The following SPAG6 variants were observed in gnomAD, a reference collection of about 807,000 sequenced individuals.
SPAG6 encodes the protein sperm-associated antigen 6.
SPAG6 carries 49 observed loss-of-function variants against 58.5 expected under a neutral mutation model. The ratio of observed to expected loss-of-function variants is 0.84; its 90% CI spans 0.67 to 1.06. SPAG6 has a LOEUF of 1.06. Among genes scored for constraint, SPAG6 ranks in the 50% least tolerant of loss-of-function variants. The probability of loss-of-function intolerance (pLI) is 0.00; values close to 1 mark genes in which losing one functional copy is unlikely to be tolerated. For missense variants in SPAG6, 560 were observed against 611.3 expected, an observed-to-expected ratio of 0.92 and a Z score of 0.89; for synonymous variants, 233 against 225.6, an observed-to-expected ratio of 1.03 and a Z score of -0.29.
At chr10:22,356,619 A>G (rs535050854) in intron 2 of SPAG6, among the ~76,000 whole-genome samples, 2 of 152,354 alleles carry the variant, frequency 1.3e-5, no homozygotes, top group East Asian at 3.9e-4. Context: ...AGGCTTCTTC[A>G]ACAGTGGGCA....
intron 8 of SPAG6, among the ~76,000 whole-genome samples, chr10:22,392,448 T>C (rs1474482069): frequency 6.6e-6 from 1 of 152,096 alleles, no homozygotes; most frequent in Non-Finnish European, 1.5e-5. Context: ...AAATCATGCA[T>C]TTTTAAAAGG....
At chr10:22,415,235 TTAA>T (rs1834840016) in intron 10 of SPAG6, among the ~76,000 whole-genome samples, 1 of 150,576 alleles carries the variant, frequency 6.6e-6, no homozygotes, top group Non-Finnish European at 1.5e-5. Context: ...AAGTAAAATA[TTAA>T]TATGTTAATA....
intron 3 of SPAG6, 95 bp from the exon 4 acceptor site, chr10:22,368,400 T>C (rs1206841132): frequency 1.1e-6 from 1 of 886,368 alleles, no homozygotes; most frequent in Non-Finnish European, 1.7e-6. Flanking sequence ...GCTTTATTTA[T>C]AGTAATGTTA....
intron 4 of SPAG6, among the ~76,000 whole-genome samples, chr10:22,371,199 A>T (rs1462740799): frequency 6.6e-6 from 1 of 152,242 alleles, no homozygotes; most frequent in Non-Finnish European, 1.5e-5. Flanking sequence ...AGTAAACCAT[A>T]AAAGTTATCA....
chr10:22,386,702 G>T, intron 4 of SPAG6, 52 bp from the exon 5 acceptor site: 1 of 1,442,622 alleles, frequency 6.9e-7, no homozygotes, highest in Admixed American at 1.7e-5. Flanking sequence ...AAAATGGCTT[G>T]CACAAGGGTC....
Position 22,402,427 on chromosome 10 carries a change from T to A in SPAG6, c.1314+1150T>A, listed in dbSNP as rs1588557867. On this transcript the variant is annotated intron_variant, in intron 9 of 10. Transcript: ENST00000376624. The stretch of plus-strand genomic sequence containing the variant: ...TTGTTATAACTTTTAAAGTAGTCCC[T>A]ACAGATAAGTTTGCCTAGTTTTAGG... Among the ~76,000 whole-genome samples, 5 of 152,334 alleles carry A rather than the reference T, an allele frequency of 3.3e-5. No individual in the cohort carries two copies. In the Middle Eastern group the frequency reaches 0.017, roughly 518 times the overall value.
chr10:22,392,378 A>G (rs979552763), intron 8 of SPAG6, among the ~76,000 whole-genome samples: 2 of 152,114 alleles, frequency 1.3e-5, no homozygotes, highest in Non-Finnish European at 2.9e-5. Flanking sequence ...TTTTAATTAT[A>G]TGTCTTATAT....
intron 8 of SPAG6, among the ~76,000 whole-genome samples, chr10:22,393,624 A>T (rs1455809206): frequency 1.3e-5 from 2 of 152,200 alleles, no homozygotes; most frequent in African/African-American, 4.8e-5. Context: ...TACTTTCAGG[A>T]AATACACTGA....
At chr10:22,401,411 T>C in intron 9 of SPAG6, 134 bp downstream of exon 9, 1 of 626,322 alleles carries the variant, frequency 1.6e-6, no homozygotes, top group Non-Finnish European at 2.8e-6. Context: ...CCAATCTGTA[T>C]GGACAGAGAA....
intron 3 of SPAG6, among the ~76,000 whole-genome samples, chr10:22,368,189 G>A (rs547173209): frequency 2.0e-5 from 3 of 152,126 alleles, no homozygotes; most frequent in Admixed American, 6.5e-5. Context: ...ATAAAATCTC[G>A]TTATTTTATG....
chr10:22,372,700 G>C (rs796597576), intron 4 of SPAG6, among the ~76,000 whole-genome samples: 13 of 151,758 alleles, frequency 8.6e-5, no homozygotes, highest in African/African-American at 1.5e-4. Context: ...TGTTTTGTGT[G>C]AATAGTCTTC....
Position 22,368,663 on chromosome 10 carries a change from G to T in SPAG6, c.457G>T (p.Ala153Ser), listed in dbSNP as rs138933753. The change falls in exon 4 of 11, where the codon GCA (alanine) becomes TCA (serine). Residue 153 changes from alanine to serine, a missense_variant. Coordinates refer to ENST00000376624, the MANE Select transcript of SPAG6 (RefSeq NM_012443.4). ...EAAAWALRYI[A>S]RHNAELSQAV... ...TGCAGCCTGGGCACTTAGATATATT[G>T]CAAGACATAATGCAGGTAATTTAAA... 6.2e-7 allele frequency: 1 copy of T among 1,612,516 alleles called. No homozygotes were observed. The highest frequency in any genetic ancestry group is 8.5e-7 in the Non-Finnish European group (1 of 1,179,136).
At chr10:22,369,385 C>T (rs1373640110) in intron 4 of SPAG6, among the ~76,000 whole-genome samples, 1 of 152,112 alleles carries the variant, frequency 6.6e-6, no homozygotes, top group African/African-American at 2.4e-5. Context: ...GAACAAATAA[C>T]ATAAGAAGAA....
At chr10:22,371,384 G>T (rs1833688444) in intron 4 of SPAG6, among the ~76,000 whole-genome samples, 1 of 152,030 alleles carries the variant, frequency 6.6e-6, no homozygotes, top group African/African-American at 2.4e-5. Context: ...TTCCTAAATA[G>T]CTGGGATTAC....
At chr10:22,353,162 T>G (rs1267762802) in intron 2 of SPAG6, among the ~76,000 whole-genome samples, 1 of 152,260 alleles carries the variant, frequency 6.6e-6, no homozygotes, top group Non-Finnish European at 1.5e-5. Context: ...TCAAACTGAT[T>G]GCTTTCCATA....
At chr10:22,394,172 T>G (rs1834242229) in intron 8 of SPAG6, among the ~76,000 whole-genome samples, 1 of 152,218 alleles carries the variant, frequency 6.6e-6, no homozygotes, top group African/African-American at 2.4e-5. Context: ...TGTAAATACT[T>G]TCTCACATTC....
intron 3 of SPAG6, among the ~76,000 whole-genome samples, chr10:22,365,260 A>C (rs751480601): frequency 3.9e-5 from 6 of 152,186 alleles, no homozygotes; most frequent in Non-Finnish European, 7.3e-5. Flanking sequence ...AATTATACAT[A>C]AAGCAGTATT....
chr10:22,409,806 A>G (rs1276860260), intron 9 of SPAG6, among the ~76,000 whole-genome samples: 1 of 152,060 alleles, frequency 6.6e-6, no homozygotes, highest in Admixed American at 6.5e-5. Context: ...CTCTCATAAT[A>G]AATTTCTTCA....
At chr10:22,410,466 A>G (rs572261797) in intron 9 of SPAG6, among the ~76,000 whole-genome samples, 1 of 152,320 alleles carries the variant, frequency 6.6e-6, no homozygotes, top group South Asian at 2.1e-4. Flanking sequence ...AGGGGCTTCC[A>G]GAGAAGGATT....
Sources: gnomAD v4.1 joint callset for allele counts (sites outside exome capture counted in the v4.1 genomes callset) on GRCh38, gnomAD v4.1.1 for gene constraint, MANE v1.5 for transcripts, NCBI Gene and HGNC (gene_info 2026-07-23, HGNC 2026-07-21) for gene names.